The following VPS13C variants were observed in gnomAD, a reference collection of about 807,000 sequenced individuals.
The protein encoded by VPS13C is vacuolar protein sorting 13 homolog C.
In VPS13C, 358 loss-of-function variants were observed where a neutral mutation model predicts 456.8. That is an observed-to-expected ratio of 0.78 (90% CI 0.72 to 0.86). The LOEUF (loss-of-function observed/expected upper bound fraction) is 0.86, where lower values mean the gene tolerates loss of function less well. Ranked by LOEUF, VPS13C falls within the 40% of genes least tolerant of loss-of-function variation. VPS13C has a pLI of 0.00. For synonymous variants in VPS13C, 1,578 were observed against 1,486.7 expected (o/e 1.06, Z -1.41); for missense variants, 4,818 against 4,385.4 (o/e 1.10, Z -2.79).
chr15:61,923,859 A>ATTTTT (rs2043743450), intron 53 of VPS13C, among the ~76,000 whole-genome samples: 2 of 69,354 alleles, frequency 2.9e-5, no homozygotes, highest in Non-Finnish European at 5.9e-5. Flanking sequence ...ACCCCTCTAA[A>ATTTTT]TCTTTTTTTT....
At chr15:61,921,227 G>A (rs912090772) in intron 55 of VPS13C, among the ~76,000 whole-genome samples, 2 of 152,048 alleles carry the variant, frequency 1.3e-5, no homozygotes, top group Non-Finnish European at 2.9e-5. Context: ...GAGGAAATTG[G>A]AACACAGGTT....
chr15:62,002,136 C>A lies in VPS13C; in HGVS notation c.1291-1510G>T, dbSNP rs550826730. ...TTGAACTAGTTTACAGTCCCACCAACAGTGTAAAGGTGTTCCTATTTCTCC... is the reference window on the plus strand; with the variant it reads ...TTGAACTAGTTTACAGTCCCACCAAAAGTGTAAAGGTGTTCCTATTTCTCC... On this transcript the variant is annotated intron_variant, in intron 15 of 84. Transcript: ENST00000644861. Among the ~76,000 whole-genome samples, 11 of 152,328 alleles carry A rather than the reference C, an allele frequency of 7.2e-5. No homozygotes were observed. In the East Asian group the frequency reaches 2.1e-3, roughly 29 times the overall value.
In VPS13C at chr15:61,891,393, C is replaced by A. The variant is rs77035510; in HGVS notation, c.9106-993G>T. On this transcript the variant is annotated intron_variant, in intron 66 of 84. Coordinates refer to ENST00000644861, the MANE Select transcript of VPS13C (RefSeq NM_020821.3). ...GAGTGTCACTAATGTTCAAAATTTA[C>A]TAATACTTTCAAGGTACATTATGTG... is the stretch of plus-strand genomic sequence containing the variant. Among the ~76,000 whole-genome samples the A allele has an allele frequency of 6.9e-3, 1,046 of 152,184 alleles. 9 individuals carry two copies. The highest frequency in any genetic ancestry group is 0.024 in the African/African-American group (1,004 of 41,522).
intron 15 of VPS13C, among the ~76,000 whole-genome samples, chr15:62,003,503 C>T (rs1046883293): frequency 6.1e-4 from 93 of 152,044 alleles, no homozygotes; most frequent in Non-Finnish European, 1.1e-3. Context: ...TAATTGAATA[C>T]CCTTTAGTTC....
chr15:61,976,673 G>A (rs2045712268), intron 24 of VPS13C, among the ~76,000 whole-genome samples: 5 of 152,046 alleles, frequency 3.3e-5, no homozygotes, highest in African/African-American at 1.2e-4. Context: ...CAATATAGCT[G>A]TTTTTTAAAA....
At position 62,043,961 on chromosome 15, in the gene VPS13C, C is replaced by A. The variant is rs77211459; in HGVS notation, c.144+251G>T. Among the ~76,000 whole-genome samples the A allele has an allele frequency of 7.3e-3, 1,116 of 152,134 alleles. 9 individuals carry two copies. Among genetic ancestry groups the A allele is most frequent in the African/African-American group, 0.025 (1,058 of 41,510 alleles). On this transcript the variant is annotated intron_variant, in intron 2 of 84. Transcript: ENST00000644861. ...AATATTGCTATAAGGAAAAAGTCAA[C>A]TACAAAACTATACAGTCAAATTAGA...
At chr15:62,024,543 GTC>G (rs1478199945) in intron 6 of VPS13C, among the ~76,000 whole-genome samples, 1 of 152,060 alleles carries the variant, frequency 6.6e-6, no homozygotes, top group Non-Finnish European at 1.5e-5. Context: ...TCTTGAGGCA[GTC>G]TCTGTATTAT....
intron 9 of VPS13C, among the ~76,000 whole-genome samples, chr15:62,018,716 G>C (rs538743974): frequency 6.6e-6 from 1 of 151,806 alleles, no homozygotes; most frequent in African/African-American, 2.4e-5. Flanking sequence ...TTTTTGCATC[G>C]ATGTTCATCA....
In VPS13C at chr15:61,931,588, T is replaced by G. The variant is rs561754818; in HGVS notation, c.5869-329A>C. 8.0e-3 allele frequency among the ~76,000 whole-genome samples: 1,215 copies of G among 151,276 alleles called. 9 individuals are homozygous for G. Among genetic ancestry groups the G allele is most frequent in the Non-Finnish European group, 0.013 (860 of 67,712 alleles). ...AACTAATAAATTTTTTCTTTTTTTTTTTTTTTTGAGATGGAGTTTCGCTCT... is the reference window on the plus strand; with the variant it reads ...AACTAATAAATTTTTTCTTTTTTTTGTTTTTTTGAGATGGAGTTTCGCTCT... On this transcript the variant is annotated intron_variant, in intron 49 of 84. Transcript: ENST00000644861.
chr15:61,991,175 A>C (rs908581774), intron 17 of VPS13C, 81 bp from the exon 18 acceptor site: 29 of 1,079,578 alleles, frequency 2.7e-5, no homozygotes, highest in Non-Finnish European at 3.8e-5. Flanking sequence ...ACTAACAAGT[A>C]TCCTAAAATC....
intron 15 of VPS13C, among the ~76,000 whole-genome samples, chr15:62,001,873 A>G (rs1166719130): frequency 6.6e-6 from 1 of 152,218 alleles, no homozygotes; most frequent in Non-Finnish European, 1.5e-5. Flanking sequence ...ACTGCATAGT[A>G]TTCCATGGTG....
At chr15:62,035,970 T>A (rs2047984831) in intron 3 of VPS13C, among the ~76,000 whole-genome samples, 1 of 152,018 alleles carries the variant, frequency 6.6e-6, no homozygotes, top group Non-Finnish European at 1.5e-5. Context: ...GCAAAATCTG[T>A]CAAAATCTTT....
intron 27 of VPS13C, among the ~76,000 whole-genome samples, chr15:61,971,218 G>C (rs540912540): frequency 1.3e-5 from 2 of 152,218 alleles, no homozygotes; most frequent in African/African-American, 4.8e-5. Flanking sequence ...GGAGGATACT[G>C]AGCAGAGTAG....
intron 8 of VPS13C, 56 bp downstream of exon 8, chr15:62,023,355 A>G: frequency 8.9e-7 from 1 of 1,127,052 alleles, no homozygotes; most frequent in South Asian, 1.9e-5. Context: ...TAGAAAAGTC[A>G]AGAATATTAT....
intron 66 of VPS13C, among the ~76,000 whole-genome samples, chr15:61,902,495 C>A (rs925324753): frequency 1.3e-5 from 2 of 151,974 alleles, no homozygotes; most frequent in Non-Finnish European, 2.9e-5. Flanking sequence ...TAAAAAGATC[C>A]ATCACTAGGG....
intron 12 of VPS13C, among the ~76,000 whole-genome samples, chr15:62,011,870 G>A (rs893237513): frequency 3.3e-5 from 5 of 151,856 alleles, no homozygotes; most frequent in African/African-American, 9.7e-5. Context: ...AAAGAAAGTT[G>A]GCTGTAGGGA....
intron 5 of VPS13C, among the ~76,000 whole-genome samples, chr15:62,028,896 T>G (rs2047724416): frequency 6.6e-6 from 1 of 152,066 alleles, no homozygotes. Context: ...TTTATAGCCA[T>G]TCTCATTAAT....
intron 74 of VPS13C, among the ~76,000 whole-genome samples, chr15:61,877,653 T>C (rs1440392958): frequency 6.6e-6 from 1 of 151,770 alleles, no homozygotes; most frequent in Non-Finnish European, 1.5e-5. Flanking sequence ...CAACAAAACA[T>C]TGAAGGCTCC....
chr15:62,001,881 G>A (rs1402563598), intron 15 of VPS13C, among the ~76,000 whole-genome samples: 1 of 152,152 alleles, frequency 6.6e-6, no homozygotes, highest in Non-Finnish European at 1.5e-5. Flanking sequence ...GTATTCCATG[G>A]TGTATATGTG....
Sources: allele counts gnomAD v4.1 joint callset (sites outside exome capture counted in the v4.1 genomes callset), GRCh38; gene constraint gnomAD v4.1.1; transcripts MANE v1.5; gene names NCBI Gene and HGNC (gene_info 2026-07-23, HGNC 2026-07-21).